The following SNAP47 variants were observed in gnomAD, a reference collection of about 807,000 sequenced individuals.
The protein encoded by SNAP47 is synaptosome associated protein 47, also known as synaptosomal-associated protein 47.
Under a neutral mutation model 31.4 loss-of-function variants are expected in SNAP47, and 20 were observed. The ratio of observed to expected loss-of-function variants is 0.64; its 90% CI spans 0.45 to 0.93. SNAP47 has a LOEUF of 0.93. Ranked by LOEUF, SNAP47 falls within the 40% of genes least tolerant of loss-of-function variation. The pLI, the probability that SNAP47 is intolerant of heterozygous loss-of-function variation, is 0.00. For synonymous variants in SNAP47, 194 were observed against 213.4 expected (o/e 0.91, Z 0.79); for missense variants, 492 against 528.5 (o/e 0.93, Z 0.68).
chr1:227,756,407 C>T (rs942702617), intron 2 of SNAP47, among the ~76,000 whole-genome samples: 2 of 152,202 alleles, frequency 1.3e-5, no homozygotes, highest in African/African-American at 4.8e-5. Flanking sequence ...GATTTTTCTT[C>T]TTTCTTTGTC....
chr1:227,748,739 A>G (rs1398960999), intron 2 of SNAP47, among the ~76,000 whole-genome samples: 3 of 152,168 alleles, frequency 2.0e-5, no homozygotes, highest in African/African-American at 4.8e-5. Flanking sequence ...CTCTGAGGTC[A>G]CAGAGGGTGG....
Position 227,747,913 on chromosome 1 carries a change from G to A in SNAP47, c.177G>A (p.Glu59=), listed in dbSNP as rs372528086. The change falls in exon 2 of 5, where the codon GAG becomes GAA. Residue 59 remains glutamate (E), a synonymous_variant. Transcript: ENST00000617596. ...PLSSIVEIKK[E]ASHFIFSSIT... ...CCAGCATAGTTGAGATCAAGAAGGA[G>A]GCTTCACATTTTATCTTCAGCTCCA... 1 of 1,614,052 alleles carries A rather than the reference G, an allele frequency of 6.2e-7. No individual in the cohort carries two copies. Among genetic ancestry groups the A allele is most frequent in the African/African-American group, 1.3e-5 (1 of 74,916 alleles).
In SNAP47 at chr1:227,762,725, C is replaced by T. The variant is rs1399313100; in HGVS notation, c.988+3240C>T. On this transcript the variant is annotated intron_variant, in intron 3 of 4. Coordinates refer to ENST00000617596, the MANE Select transcript of SNAP47 (RefSeq NM_053052.4). The surrounding 1 kb of genome is among the most constrained non-coding windows in gnomAD (Gnocchi z 4.2). ...CACGTTTTATTTTATTCTAGACACTCGTCCTTGCGTTGAGGAGCACCCAGG... is the reference window on the plus strand; with the variant it reads ...CACGTTTTATTTTATTCTAGACACTTGTCCTTGCGTTGAGGAGCACCCAGG... 6.6e-6 allele frequency among the ~76,000 whole-genome samples: 1 copy of T among 152,198 alleles called. No homozygotes were observed. The highest frequency in any genetic ancestry group is 1.5e-5 in the Non-Finnish European group (1 of 68,036).
At position 227,780,868 on chromosome 1, in the gene SNAP47, CCCTGCTGCTGGGCAGGA is replaced by C. The variant is rs1664421582; in HGVS notation, c.*198_*214del. ...CCATGCCTGCCTCCCACTTGGCTGT[CCCTGCTGCTGGGCAGGA>C]CCCGGCCACATGTTCTGCGGATGCT... On this transcript the variant is annotated 3_prime_UTR_variant, in exon 5 of 5. Coordinates refer to ENST00000617596, the MANE Select transcript of SNAP47 (RefSeq NM_053052.4). 1.4e-6 allele frequency: 1 copy of C among 708,850 alleles called. No homozygotes were observed. Among genetic ancestry groups the C allele is most frequent in the Admixed American group, 3.0e-5 (1 of 33,764 alleles). 43.9% of individuals were successfully genotyped at this position (708,850 alleles called of 1,614,324 possible). A position where few individuals can be genotyped will look rare whatever the true frequency, so the allele number is the denominator to read the frequency against.
intron 2 of SNAP47, among the ~76,000 whole-genome samples, chr1:227,749,738 C>CTG (rs1379817735): frequency 2.2e-5 from 3 of 135,660 alleles, no homozygotes; most frequent in Non-Finnish European, 3.3e-5. Context: ...CCTTGAGAGC[C>CTG]TGTGTGTGTG....
At chr1:227,729,916 TG>T (rs887346316) in intron 1 of SNAP47, among the ~76,000 whole-genome samples, 38 of 152,304 alleles carry the variant, frequency 2.5e-4, no homozygotes, top group African/African-American at 8.9e-4. Context: ...AGCCTTCCTA[TG>T]GGGGCCCACA....
chr1:227,750,610 C>G (rs1662285033), intron 2 of SNAP47, among the ~76,000 whole-genome samples: 2 of 152,156 alleles, frequency 1.3e-5, no homozygotes, highest in Non-Finnish European at 2.9e-5. Context: ...TGGCTTCTCC[C>G]TGCCCTGGCT....
chr1:227,772,663 C>A (rs974038050), intron 4 of SNAP47, among the ~76,000 whole-genome samples: 1 of 152,126 alleles, frequency 6.6e-6, no homozygotes, highest in Non-Finnish European at 1.5e-5. Flanking sequence ...AGCTTTACCC[C>A]CATGTTTTCT....
chr1:227,742,562 C>G (rs1661678084), intron 1 of SNAP47, among the ~76,000 whole-genome samples: 1 of 152,200 alleles, frequency 6.6e-6, no homozygotes. Flanking sequence ...GCATAATTTC[C>G]CTCCACACTC....
chr1:227,766,918 C>G (rs779023788), intron 3 of SNAP47, 41 bp from the exon 4 acceptor site: 1 of 1,609,644 alleles, frequency 6.2e-7, no homozygotes, highest in Non-Finnish European at 8.5e-7. Context: ...GTTGTTGCAA[C>G]TCCGAGAGAT....
intron 4 of SNAP47, among the ~76,000 whole-genome samples, chr1:227,779,152 T>A: frequency 6.6e-6 from 1 of 152,306 alleles, no homozygotes; most frequent in African/African-American, 2.4e-5. Context: ...TGTGATCTCA[T>A]GTGAGCCACA....
intron 4 of SNAP47, 148 bp from the exon 5 acceptor site, chr1:227,780,379 G>A (rs1033033823): frequency 5.2e-6 from 6 of 1,147,380 alleles, no homozygotes; most frequent in Admixed American, 2.3e-5. Context: ...CCCTGGTGCT[G>A]GGCTGCCGGC....
chr1:227,748,361 T>C (rs1662118390), intron 2 of SNAP47, 128 bp downstream of exon 2: 1 of 1,069,500 alleles, frequency 9.4e-7, no homozygotes, highest in Admixed American at 3.0e-5. Flanking sequence ...ATCCTGGCTG[T>C]GCACCTGCTG....
At chr1:227,735,096 C>T, upstream of SNAP47, 1 of 1,573,630 alleles carries the variant, frequency 6.4e-7, no homozygotes, top group African/African-American at 1.4e-5. Context: ...TGCGTGAAGG[C>T]GCTGGAAAAC....
chr1:227,748,284 T>A, intron 2 of SNAP47, 51 bp downstream of exon 2: 1 of 1,478,492 alleles, frequency 6.8e-7, no homozygotes. Flanking sequence ...AAGATGCACA[T>A]GTGTGGAGGC....
At chr1:227,768,983 T>C (rs1489249705) in intron 4 of SNAP47, among the ~76,000 whole-genome samples, 1 of 152,218 alleles carries the variant, frequency 6.6e-6, no homozygotes, top group Non-Finnish European at 1.5e-5. Context: ...ACCTGTTAAT[T>C]GCAATGGTGG....
intron 2 of SNAP47, among the ~76,000 whole-genome samples, chr1:227,757,043 A>G (rs1662743551): frequency 6.6e-6 from 1 of 150,840 alleles, no homozygotes; most frequent in Non-Finnish European, 1.5e-5. Context: ...TGGAAGTTCA[A>G]TTCCCTTAGT....
chr1:227,751,706 A>G (rs1662365627), intron 2 of SNAP47, among the ~76,000 whole-genome samples: 1 of 151,104 alleles, frequency 6.6e-6, no homozygotes, highest in Admixed American at 6.6e-5. Flanking sequence ...GGTCAGAAAA[A>G]CAATGCGAAG....
At chr1:227,769,513 C>T (rs924953653) in intron 4 of SNAP47, among the ~76,000 whole-genome samples, 1 of 152,058 alleles carries the variant, frequency 6.6e-6, no homozygotes, top group East Asian at 1.9e-4. Flanking sequence ...TAAAAATGCA[C>T]GAAACCCCCC....
Sources: allele counts gnomAD v4.1 joint callset (sites outside exome capture counted in the v4.1 genomes callset), GRCh38; gene constraint gnomAD v4.1.1; non-coding constraint Gnocchi (gnomAD v3.1); transcripts MANE v1.5; gene names NCBI Gene and HGNC (gene_info 2026-07-23, HGNC 2026-07-21).